The following DMXL1 variants were observed in gnomAD, a reference collection of about 807,000 sequenced individuals.
The protein encoded by DMXL1 is dmX-like protein 1.
In DMXL1, 99 loss-of-function variants were observed where a neutral mutation model predicts 319.2. That is an observed-to-expected ratio of 0.31 (90% confidence interval 0.26 to 0.37). The LOEUF (loss-of-function observed/expected upper bound fraction) is 0.37, where lower values mean the gene tolerates loss of function less well. DMXL1 is among the 10% of genes least tolerant of loss of function. The pLI, the probability that DMXL1 is intolerant of heterozygous loss-of-function variation, is 1.00. For missense variants in DMXL1, 3,745 were observed against 3,595.6 expected, an observed-to-expected ratio of 1.04 and a Z score of -1.06; for synonymous variants, 1,385 against 1,235.2, an observed-to-expected ratio of 1.12 and a Z score of -2.54.
chr5:119,108,268 C>T (rs564574471), intron 4 of DMXL1, among the ~76,000 whole-genome samples: 1 of 152,024 alleles, frequency 6.6e-6, no homozygotes, highest in Non-Finnish European at 1.5e-5. Flanking sequence ...AAGGTGAATG[C>T]CATCTTTATT....
intron 33 of DMXL1, among the ~76,000 whole-genome samples, chr5:119,205,351 A>G (rs913646949): frequency 9.8e-5 from 15 of 152,308 alleles, no homozygotes; most frequent in African/African-American, 3.1e-4. Flanking sequence ...GTACGTAAAC[A>G]TAGCAAATAA....
chr5:119,170,703 A>T lies in DMXL1; in HGVS notation c.5912A>T (p.Asp1971Val). 1 of 1,613,486 alleles carries T rather than the reference A, an allele frequency of 6.2e-7. No individual in the cohort carries two copies. The highest frequency in any genetic ancestry group is 8.5e-7 in the Non-Finnish European group (1 of 1,179,866). The change falls in exon 24 of 44, where the codon GAT becomes GTT. Residue 1971 changes from aspartate (D) to valine (V), a missense_variant. Around this residue, in one of 4 missense-constraint regions of DMXL1, gnomAD observed 1,382 missense variants for 1,269.5 expected, o/e 1.09. Coordinates refer to ENST00000539542, the MANE Select transcript of DMXL1 (RefSeq NM_001290321.3). ...DDSLELKWDS[D>V]NDEENEDVPI... ...TCTTTAGAGTTAAAATGGGACAGTG[A>T]TAATGATGAAGAAAATGAGGATGTC...
intron 1 of DMXL1, among the ~76,000 whole-genome samples, chr5:119,077,397 A>G (rs1243917742): frequency 4.0e-5 from 6 of 151,726 alleles, no homozygotes; most frequent in Non-Finnish European, 7.4e-5. Flanking sequence ...GTTTTTGTGA[A>G]TAATTTATTT....
intron 19 of DMXL1, among the ~76,000 whole-genome samples, chr5:119,162,903 T>G (rs928707250): frequency 4.6e-5 from 7 of 152,230 alleles, no homozygotes; most frequent in African/African-American, 1.7e-4. Flanking sequence ...TTCACATTGC[T>G]TGGCATGGGA....
At chr5:119,074,628 T>A (rs1028052249) in intron 1 of DMXL1, among the ~76,000 whole-genome samples, 1 of 152,234 alleles carries the variant, frequency 6.6e-6, no homozygotes, top group African/African-American at 2.4e-5. Context: ...TTAGATACTT[T>A]TTTACTACCT....
chr5:119,206,806 G>C (rs1409592597), intron 33 of DMXL1, 28 bp from the exon 34 acceptor site: 3 of 1,428,844 alleles, frequency 2.1e-6, no homozygotes, highest in East Asian at 2.5e-5. Context: ...TTTACTCTTT[G>C]TCATGTGGTT....
intron 19 of DMXL1, 121 bp from the exon 20 acceptor site, chr5:119,164,386 C>G (rs1186146157): frequency 3.4e-6 from 3 of 894,828 alleles, no homozygotes; most frequent in African/African-American, 1.7e-5. Flanking sequence ...TATTTCCAAT[C>G]TTAAACTGTG....
chr5:119,119,687 T>C (rs894531912), intron 8 of DMXL1, among the ~76,000 whole-genome samples: 3 of 151,866 alleles, frequency 2.0e-5, no homozygotes, highest in Non-Finnish European at 4.4e-5. Flanking sequence ...TTTTTGTATT[T>C]TTAGTAGGGA....
intron 9 of DMXL1, among the ~76,000 whole-genome samples, chr5:119,123,199 A>G (rs926168586): frequency 3.3e-5 from 5 of 151,946 alleles, no homozygotes; most frequent in South Asian, 2.1e-4. Flanking sequence ...GGCACTCGGC[A>G]GGCTGAGGCA....
rs144585077 is a variant in DMXL1 at position 119,120,299 on chromosome 5, A to G, written c.934-672A>G. Among the ~76,000 whole-genome samples, 331 of 152,364 alleles carry G rather than the reference A, an allele frequency of 2.2e-3. 3 individuals are homozygous for G. The highest frequency in any genetic ancestry group is 7.6e-3 in the African/African-American group (316 of 41,590). On this transcript the variant is annotated intron_variant, in intron 8 of 43. Transcript: ENST00000539542. Reference sequence around the variant, plus strand: ...TTGAATAGTATTCTGATGCCTCAGAATATAATAAATTCTGTATTGATTCAA... The same window carrying G: ...TTGAATAGTATTCTGATGCCTCAGAGTATAATAAATTCTGTATTGATTCAA...
At chr5:119,166,146 C>T (rs1316714552) in intron 21 of DMXL1, among the ~76,000 whole-genome samples, 1 of 152,116 alleles carries the variant, frequency 6.6e-6, no homozygotes, top group Non-Finnish European at 1.5e-5. Context: ...AGTTTATTTC[C>T]AGATGACCCA....
chr5:119,123,026 G>A (rs1263712357), intron 9 of DMXL1, among the ~76,000 whole-genome samples: 1 of 152,206 alleles, frequency 6.6e-6, no homozygotes, highest in African/African-American at 2.4e-5. Flanking sequence ...TGAGCACTGA[G>A]TGAACAAGAC....
At chr5:119,121,887 C>T (rs1359787966) in intron 9 of DMXL1, among the ~76,000 whole-genome samples, 22 of 149,486 alleles carry the variant, frequency 1.5e-4, no homozygotes, top group East Asian at 6.1e-4. Context: ...ACCTCCTGGA[C>T]GGGGCGGCTG....
chr5:119,169,456 A>T (rs558412956), intron 23 of DMXL1, among the ~76,000 whole-genome samples: 1 of 152,296 alleles, frequency 6.6e-6, no homozygotes, highest in African/African-American at 2.4e-5. Flanking sequence ...TTTTAGATTG[A>T]ACAATAGGTA....
intron 26 of DMXL1, among the ~76,000 whole-genome samples, chr5:119,175,825 T>A (rs573725653): frequency 6.6e-6 from 1 of 152,118 alleles, no homozygotes; most frequent in Non-Finnish European, 1.5e-5. Flanking sequence ...TATTTCTCTT[T>A]ATGTTATAAA....
intron 18 of DMXL1, 112 bp from the exon 19 acceptor site, chr5:119,151,817 A>G (rs1040015776): frequency 3.6e-6 from 2 of 549,382 alleles, no homozygotes; most frequent in African/African-American, 1.9e-5. Flanking sequence ...AAAATATTTT[A>G]CACTGATAAC....
chr5:119,236,205 C>G (rs937890181), intron 39 of DMXL1: 4 of 151,960 alleles, frequency 2.6e-5, no homozygotes, highest in African/African-American at 9.7e-5. Flanking sequence ...ATAAAATTAA[C>G]AAGTATTTTA....
chr5:119,131,031 G>A (rs566274928), intron 10 of DMXL1, among the ~76,000 whole-genome samples: 3 of 149,932 alleles, frequency 2.0e-5, no homozygotes, highest in South Asian at 4.2e-4. Flanking sequence ...AGTTGATAAC[G>A]GGACAATGGA....
chr5:119,121,391 C>T (rs969594666), intron 9 of DMXL1, among the ~76,000 whole-genome samples: 2 of 151,628 alleles, frequency 1.3e-5, no homozygotes, highest in East Asian at 3.9e-4. Flanking sequence ...AACAAGTGAA[C>T]AAAGGTCTCT....
Sources: allele counts gnomAD v4.1 joint callset (sites outside exome capture counted in the v4.1 genomes callset), GRCh38; gene constraint gnomAD v4.1.1; regional missense constraint gnomAD v4.1.1; transcripts MANE v1.5; gene names NCBI Gene and HGNC (gene_info 2026-07-23, HGNC 2026-07-21).